MAP3K1: variants seen among roughly 807,000 people sequenced by gnomAD.
The protein encoded by MAP3K1 is MAP/ERK kinase kinase 1.
Under a neutral mutation model 144.2 loss-of-function variants are expected in MAP3K1, and 36 were observed. That is an observed-to-expected ratio of 0.25 (90% CI 0.19 to 0.33). The LOEUF (loss-of-function observed/expected upper bound fraction) is 0.33. Among genes scored for constraint, MAP3K1 ranks in the 10% least tolerant of loss-of-function variants. MAP3K1 has a pLI of 1.00. For missense variants in MAP3K1, 1,650 were observed against 1,881.9 expected, an observed-to-expected ratio of 0.88 and a Z score of 2.28; for synonymous variants, 718 against 688.7, an observed-to-expected ratio of 1.04 and a Z score of -0.67.
chr5:56,833,800 C>T (rs1223553207), intron 1 of MAP3K1, among the ~76,000 whole-genome samples: 2 of 152,036 alleles, frequency 1.3e-5, no homozygotes, highest in Admixed American at 6.6e-5. Flanking sequence ...AAGATGATAT[C>T]TAAGGCCAGC....
intron 1 of MAP3K1, among the ~76,000 whole-genome samples, chr5:56,847,347 A>G (rs2111834095): frequency 6.6e-6 from 1 of 152,398 alleles, no homozygotes; most frequent in Middle Eastern, 3.4e-3. Flanking sequence ...CTGTAATCCC[A>G]GTACTTCGGG....
rs1748667811 is a variant in MAP3K1, at chr5:56,895,202, C to A, written c.*1522C>A. On this transcript the variant is annotated 3_prime_UTR_variant, in exon 20 of 20. Coordinates refer to ENST00000399503, the MANE Select transcript of MAP3K1 (RefSeq NM_005921.2). Reference sequence around the variant, plus strand: ...TAAGTTTACAGGGATATATTGCTTACAATTTTTAAAAGGCAGTTTGTTTTT... The same window carrying A: ...TAAGTTTACAGGGATATATTGCTTAAAATTTTTAAAAGGCAGTTTGTTTTT... The A allele has an allele frequency of 8.6e-6, 2 of 231,772 alleles. No individual in the cohort carries two copies. The highest frequency in any genetic ancestry group is 2.2e-5 in the African/African-American group (1 of 45,242). 14.4% of individuals were successfully genotyped at this position (231,772 alleles called of 1,614,324 possible). A position where few individuals can be genotyped will look rare whatever the true frequency, so the allele number is the denominator to read the frequency against.
At chr5:56,859,551 C>T (rs2111873194) in intron 2 of MAP3K1, 164 bp from the exon 3 acceptor site, 1 of 609,614 alleles carries the variant, frequency 1.6e-6, no homozygotes, top group Non-Finnish European at 2.9e-6. Flanking sequence ...TAATCTTTTA[C>T]ATTAATAGCT....
chr5:56,880,667 T>C (rs376267905), intron 11 of MAP3K1, 44 bp from the exon 12 acceptor site: 1 of 1,331,150 alleles, frequency 7.5e-7, no homozygotes, highest in East Asian at 2.3e-5. Context: ...GTATAGTGTT[T>C]TAGCCAAGAT....
chr5:56,887,545 G>T, intron 18 of MAP3K1, 25 bp downstream of exon 18: 2 of 1,613,658 alleles, frequency 1.2e-6, no homozygotes, highest in South Asian at 1.1e-5. Flanking sequence ...TGAGTGTGAT[G>T]ACAGAAAATA....
At position 56,815,988 on chromosome 5, in the gene MAP3K1, G is replaced by C; in HGVS notation, c.415G>C (p.Ala139Pro). The C allele has an allele frequency of 8.0e-7, 1 of 1,246,250 alleles. No individual in the cohort carries two copies. Among genetic ancestry groups the C allele is most frequent in the South Asian group, 3.3e-5 (1 of 30,576 alleles). 77.2% of individuals were successfully genotyped at this position (1,246,250 alleles called of 1,614,324 possible). The change falls in exon 1 of 20, where the codon GCA (alanine) becomes CCA (proline). Residue 139 changes from alanine (A) to proline (P), a missense_variant. Ala to Pro is a conservative substitution (Grantham distance 27, BLOSUM62 -1). Coordinates refer to ENST00000399503, the MANE Select transcript of MAP3K1 (RefSeq NM_005921.2). ...GCCGGACAGCGGCGCCTCGAGTCCC[G>C]CAGCGGCCGAGCCCGGGGAGAAGCG... is the stretch of plus-strand genomic sequence containing the variant. ...AAPDSGASSP[A>P]AAEPGEKRAP... is the part of the protein sequence containing the mutation.
chr5:56,886,309 CAGG>C (rs907822035), intron 17 of MAP3K1, among the ~76,000 whole-genome samples: 31 of 152,232 alleles, frequency 2.0e-4, no homozygotes, highest in African/African-American at 7.5e-4. Flanking sequence ...GAGGCTGAGA[CAGG>C]AGAATTGCTT....
chr5:56,882,976 C>A, intron 14 of MAP3K1, 110 bp downstream of exon 14: 1 of 852,252 alleles, frequency 1.2e-6, no homozygotes. Context: ...ATTGCTTGAG[C>A]ACAGGAGTTC....
At chr5:56,855,498 T>A (rs1168237882) in intron 1 of MAP3K1, among the ~76,000 whole-genome samples, 2 of 152,244 alleles carry the variant, frequency 1.3e-5, no homozygotes, top group Admixed American at 1.3e-4. Flanking sequence ...CCTTCTACTT[T>A]CCTCACAGTC....
At chr5:56,833,798 A>G (rs942015441) in intron 1 of MAP3K1, among the ~76,000 whole-genome samples, 2 of 152,234 alleles carry the variant, frequency 1.3e-5, no homozygotes, top group East Asian at 3.9e-4. Context: ...TAAAGATGAT[A>G]TCTAAGGCCA....
chr5:56,849,907 T>C (rs767377783), intron 1 of MAP3K1, among the ~76,000 whole-genome samples: 4 of 152,242 alleles, frequency 2.6e-5, no homozygotes, highest in Non-Finnish European at 4.4e-5. Flanking sequence ...TTTTTACATA[T>C]AGACTTTATC....
intron 1 of MAP3K1, among the ~76,000 whole-genome samples, chr5:56,838,257 C>T (rs1746713415): frequency 6.6e-6 from 1 of 152,080 alleles, no homozygotes; most frequent in Admixed American, 6.6e-5. Context: ...GTTACAAGTA[C>T]AGTTCTTTGC....
rs779149827 is a variant in MAP3K1 at position 56,815,575 on chromosome 5, T to TGGC, written c.14_16dup (p.Ala5dup). On this transcript the variant is annotated inframe_insertion, in exon 1 of 20. Coordinates refer to ENST00000399503, the MANE Select transcript of MAP3K1 (RefSeq NM_005921.2). ...AGCGAATGTAGCCCGCGAGAGAAAA[T>TGGC]GGCGGCGGCGGCGGGGAATCGCGCC... The TGGC allele has an allele frequency of 8.2e-4, 1,060 of 1,297,762 alleles. 3 individuals are homozygous for TGGC. The highest frequency in any genetic ancestry group is 5.0e-3 in the African/African-American group (323 of 64,516). 80.4% of individuals were successfully genotyped at this position (1,297,762 alleles called of 1,614,324 possible).
chr5:56,859,847 T>C lies in MAP3K1; in HGVS notation c.766T>C (p.Ser256Pro). The C allele has an allele frequency of 6.2e-7, 1 of 1,613,778 alleles. No homozygotes were observed. Among genetic ancestry groups the C allele is most frequent in the African/African-American group, 1.3e-5 (1 of 74,994 alleles). The change falls in exon 3 of 20, where the codon TCC (serine) becomes CCC (proline). Residue 256 changes from serine (S) to proline (P), a missense_variant. Physicochemically the swap from Ser to Pro is moderately conservative, Grantham distance 74 (BLOSUM62 -1). This residue lies in a region of MAP3K1 where 148 missense variants were observed against 177.2 expected (regional missense o/e 0.84). Transcript: ENST00000399503. The part of the protein sequence containing the change: ...KGRRSPSPGN[S>P]PSGRTVKSES... Reference sequence around the variant, plus strand: ...CCGACGCAGTCCTTCTCCTGGCAACTCCCCATCAGGTCGCACAGTGAAATC... The same window carrying C: ...CCGACGCAGTCCTTCTCCTGGCAACCCCCCATCAGGTCGCACAGTGAAATC...
intron 12 of MAP3K1, 22 bp downstream of exon 12, chr5:56,880,824 G>A (rs776794706): frequency 6.4e-6 from 10 of 1,559,824 alleles, no homozygotes; most frequent in Middle Eastern, 1.7e-4. Context: ...TCACTTAAAA[G>A]GAATATAGCA....
Position 56,881,926 on chromosome 5 carries a change from A to G in MAP3K1, c.2726A>G (p.Glu909Gly), listed in dbSNP as rs1245936086. The G allele has an allele frequency of 1.2e-6, 2 of 1,613,990 alleles. No individual in the cohort carries two copies. Among genetic ancestry groups the G allele is most frequent in the Non-Finnish European group, 1.7e-6 (2 of 1,180,026 alleles). ...NSSPECTVHL[E>G]KTGKGLCATK... ...TCCCCTGAGTGCACAGTCCATTTAGAGAAAACTGGAAAAGGATTATGTGCT... is the reference window on the plus strand; with the variant it reads ...TCCCCTGAGTGCACAGTCCATTTAGGGAAAACTGGAAAAGGATTATGTGCT... The change falls in exon 14 of 20, where the codon GAG (glutamate) becomes GGG (glycine). Residue 909 changes from glutamate to glycine, a missense_variant. Around this residue, in one of 6 missense-constraint regions of MAP3K1, gnomAD observed 841 missense variants for 886.5 expected, o/e 0.95. Transcript: ENST00000399503.
intron 1 of MAP3K1, among the ~76,000 whole-genome samples, chr5:56,836,965 T>G (rs567729903): frequency 1.8e-4 from 27 of 152,332 alleles, no homozygotes; most frequent in African/African-American, 6.0e-4. Context: ...AATCTTGGAA[T>G]AAAATTGACA....
At chr5:56,893,426 C>T (rs1748607761) in intron 19 of MAP3K1, 105 bp from the exon 20 acceptor site, 6 of 1,227,984 alleles carry the variant, frequency 4.9e-6, no homozygotes, top group South Asian at 3.7e-5. Context: ...TTCAGTTCCT[C>T]TCTGTTCAGG....
At chr5:56,836,063 T>C (rs143620909) in intron 1 of MAP3K1, among the ~76,000 whole-genome samples, 1 of 152,114 alleles carries the variant, frequency 6.6e-6, no homozygotes, top group South Asian at 2.1e-4. Context: ...CTCAGAGAGA[T>C]AATATTCTAA....
Sources: gnomAD v4.1 joint callset for allele counts (sites outside exome capture counted in the v4.1 genomes callset) on GRCh38, gnomAD v4.1.1 for gene constraint, gnomAD v4.1.1 regional missense constraint, MANE v1.5 for transcripts, NCBI Gene and HGNC (gene_info 2026-07-23, HGNC 2026-07-21) for gene names.